Variants in ZNF609 observed in about 807,000 individuals in gnomAD.
ZNF609 encodes zinc finger protein 609.
Under a neutral mutation model 109.5 loss-of-function variants are expected in ZNF609, and 11 were observed. That is an observed-to-expected ratio of 0.10 (90% CI 0.06 to 0.17). The LOEUF is 0.17. ZNF609 is among the 10% of genes least tolerant of loss of function. ZNF609 has a pLI of 1.00. For missense variants in ZNF609, 1,559 were observed against 1,772.4 expected (o/e 0.88, Z 2.16); for synonymous variants, 646 against 662.0 (o/e 0.98, Z 0.37).
chr15:64,480,560 A>C (rs140919901), intron 1 of ZNF609, among the ~76,000 whole-genome samples: 1 of 152,114 alleles, frequency 6.6e-6, no homozygotes, highest in Non-Finnish European at 1.5e-5. Context: ...AGTGTTACCA[A>C]TAATTTAATT....
At chr15:64,559,150 C>T (rs1014607079) in intron 2 of ZNF609, among the ~76,000 whole-genome samples, 16 of 152,130 alleles carry the variant, frequency 1.1e-4, no homozygotes, top group Admixed American at 3.3e-4. Flanking sequence ...TAATGTGTGG[C>T]CTCATAAATG....
At chr15:64,578,106 T>C (rs1174658088) in intron 2 of ZNF609, among the ~76,000 whole-genome samples, 1 of 151,804 alleles carries the variant, frequency 6.6e-6, no homozygotes, top group East Asian at 1.9e-4. Context: ...AAGGAAAAGA[T>C]TGATAGATTT....
chr15:64,546,017 C>T (rs901776666), intron 2 of ZNF609, among the ~76,000 whole-genome samples: 1 of 152,112 alleles, frequency 6.6e-6, no homozygotes, highest in Non-Finnish European at 1.5e-5. Context: ...TAGATAAATA[C>T]ATACACATGA....
chr15:64,503,984 T>G (rs896667980), intron 2 of ZNF609, among the ~76,000 whole-genome samples: 4 of 152,206 alleles, frequency 2.6e-5, no homozygotes, highest in African/African-American at 9.6e-5. Context: ...TTGTAGTCCC[T>G]CATTGCCTAA....
chr15:64,576,332 A>T (rs1894952410), intron 2 of ZNF609, among the ~76,000 whole-genome samples: 2 of 152,162 alleles, frequency 1.3e-5, no homozygotes. Context: ...TTCTTTAAAC[A>T]TTAATACTGA....
intron 2 of ZNF609, among the ~76,000 whole-genome samples, chr15:64,555,142 A>G (rs900636610): frequency 5.3e-5 from 8 of 151,496 alleles, no homozygotes; most frequent in Non-Finnish European, 8.8e-5. Flanking sequence ...AGGTGGGAGG[A>G]TCGTTTGAGC....
At position 64,551,984 on chromosome 15, in the gene ZNF609, T is replaced by TTA. The variant is rs1165699989; in HGVS notation, c.747+51818_747+51819insTA. On this transcript the variant is annotated intron_variant, in intron 2 of 9. Transcript: ENST00000326648. ...CTGGGTGACAGAGTAAGACTCTGTC[T>TTA]CAAAAAAAAAAAAAAAAAGTTTTTT... is the stretch of plus-strand genomic sequence containing the variant. Among the ~76,000 whole-genome samples, 45 of 83,850 alleles carry TTA rather than the reference T, an allele frequency of 5.4e-4. 1 individual carries two copies. The highest frequency in any genetic ancestry group is 7.8e-4 in the Non-Finnish European group (23 of 29,412). The allele number at this position is 83,850 out of a possible 152,430, so 55.0% of individuals were successfully genotyped here. A position where few individuals can be genotyped will look rare whatever the true frequency, so the allele number is the denominator to read the frequency against.
chr15:64,630,093 TTTTTC>T (rs1173606352), intron 3 of ZNF609, among the ~76,000 whole-genome samples: 6 of 149,990 alleles, frequency 4.0e-5, no homozygotes, highest in African/African-American at 1.2e-4. Flanking sequence ...CTAATTTTCT[TTTTTC>T]TTTTTTTTTT....
chr15:64,677,365 T>C (rs1487711912), intron 5 of ZNF609, among the ~76,000 whole-genome samples: 1 of 152,214 alleles, frequency 6.6e-6, no homozygotes, highest in Non-Finnish European at 1.5e-5. Flanking sequence ...AAAGCACTTT[T>C]ATATCCATAG....
Position 64,675,434 on chromosome 15 carries a change from C to T in ZNF609, c.2580C>T (p.Asp860=), listed in dbSNP as rs1162120694. 8 of 1,614,060 alleles carry T rather than the reference C, an allele frequency of 5.0e-6. No homozygotes were observed. The African/African-American group carries it at 5.3e-5, about 11-fold the overall frequency. The change falls in exon 5 of 10, where the codon GAC becomes GAT. Residue 860 remains aspartate (D), a synonymous_variant. Coordinates refer to ENST00000326648, the MANE Select transcript of ZNF609 (RefSeq NM_015042.2). ...DAGEDGEGKV[D]SVKSKDAEQL... ...GGGAGGATGGGGAGGGCAAGGTAGA[C>T]AGTGTCAAATCAAAGGACGCCGAAC...
At chr15:64,648,113 C>T (rs1373440766) in intron 3 of ZNF609, among the ~76,000 whole-genome samples, 2 of 152,130 alleles carry the variant, frequency 1.3e-5, no homozygotes, top group Non-Finnish European at 2.9e-5. Flanking sequence ...GTGCGTAAAC[C>T]ATTTAGTGTT....
intron 2 of ZNF609, chr15:64,503,033 T>C (rs1439168010): frequency 7.0e-6 from 1 of 142,696 alleles, no homozygotes; most frequent in Non-Finnish European, 1.5e-5. Flanking sequence ...GACTCCAGCC[T>C]AGGCAATAGA....
intron 2 of ZNF609, among the ~76,000 whole-genome samples, chr15:64,585,046 C>G (rs143291664): frequency 6.6e-6 from 1 of 151,026 alleles, no homozygotes; most frequent in Admixed American, 6.6e-5. Context: ...CATCCTGGGC[C>G]GGGTGTGGTG....
At chr15:64,621,591 C>T (rs572316313) in intron 2 of ZNF609, among the ~76,000 whole-genome samples, 24 of 152,166 alleles carry the variant, frequency 1.6e-4, no homozygotes, top group East Asian at 1.4e-3. Context: ...CTTGGCTACA[C>T]GTGATCTTCC....
rs566400611 is a variant in ZNF609 at position 64,660,184 on chromosome 15, C to G, written c.974-10162C>G. Among the ~76,000 whole-genome samples the G allele has an allele frequency of 4.6e-5, 7 of 152,284 alleles. No homozygotes were observed. In the East Asian group the frequency reaches 1.3e-3, roughly 29 times the overall value. On this transcript the variant is annotated intron_variant, in intron 3 of 9. Coordinates refer to ENST00000326648, the MANE Select transcript of ZNF609 (RefSeq NM_015042.2). ...TGAAATAATTATTTTGGGCCTTAGACAAGCTGCTTTTTTCATTTTATCAGT... is the reference window on the plus strand; with the variant it reads ...TGAAATAATTATTTTGGGCCTTAGAGAAGCTGCTTTTTTCATTTTATCAGT...
At chr15:64,649,018 A>C (rs1221684567) in intron 3 of ZNF609, among the ~76,000 whole-genome samples, 1 of 152,168 alleles carries the variant, frequency 6.6e-6, no homozygotes, top group Non-Finnish European at 1.5e-5. Context: ...TCTGGGAGCA[A>C]GACATACATA....
At chr15:64,661,076 C>T (rs1238070703) in intron 3 of ZNF609, among the ~76,000 whole-genome samples, 1 of 152,128 alleles carries the variant, frequency 6.6e-6, no homozygotes, top group Non-Finnish European at 1.5e-5. Context: ...ATTCTCCTGC[C>T]TCAGTCTCCC....
chr15:64,684,689 C>G lies in ZNF609; in HGVS notation c.*3003C>G, dbSNP rs2083230969. 1 of 152,626 alleles carries G rather than the reference C, an allele frequency of 6.6e-6. No homozygotes were observed. Among genetic ancestry groups the G allele is most frequent in the African/African-American group, 2.4e-5 (1 of 41,440 alleles). The allele number at this position is 152,626 out of a possible 1,614,324, so 9.5% of individuals were successfully genotyped here. A position where few individuals can be genotyped will look rare whatever the true frequency, so the allele number is the denominator to read the frequency against. On this transcript the variant is annotated 3_prime_UTR_variant, in exon 10 of 10. Coordinates refer to ENST00000326648, the MANE Select transcript of ZNF609 (RefSeq NM_015042.2). ...TTTTTCCACGTTTAAGGGGCCATGG[C>G]AGGACTTAGAGTTGCGAGTTAAGAC...
At chr15:64,543,488 G>C (rs1359207459) in intron 2 of ZNF609, among the ~76,000 whole-genome samples, 2 of 149,904 alleles carry the variant, frequency 1.3e-5, no homozygotes, top group African/African-American at 4.9e-5. Context: ...CTGTTGCCCA[G>C]GCTGAAGTGC....
Sources: allele counts gnomAD v4.1 joint callset (sites outside exome capture counted in the v4.1 genomes callset), GRCh38; gene constraint gnomAD v4.1.1; transcripts MANE v1.5; gene names NCBI Gene and HGNC (gene_info 2026-07-23, HGNC 2026-07-21).